PCDHGA8: variants seen among roughly 807,000 people sequenced by gnomAD.
PCDHGA8 encodes the protein protocadherin gamma subfamily A, 8, also known as protocadherin gamma-A8.
Under a neutral mutation model 59.2 loss-of-function variants are expected in PCDHGA8, and 45 were observed. The observed-to-expected ratio is 0.76, with a 90% CI of 0.60 to 0.98. The LOEUF (loss-of-function observed/expected upper bound fraction) is 0.98. Among genes scored for constraint, PCDHGA8 ranks in the 50% least tolerant of loss-of-function variants. PCDHGA8 has a pLI of 0.00. For missense variants in PCDHGA8, 1,257 were observed against 1,196.2 expected (o/e 1.05, Z -0.75); for synonymous variants, 531 against 519.0 (o/e 1.02, Z -0.32).
intron 1 of PCDHGA8, chr5:141,408,336 C>T: frequency 6.2e-7 from 1 of 1,613,910 alleles, no homozygotes; most frequent in Non-Finnish European, 8.5e-7. Flanking sequence ...GCCAAGGGCT[C>T]GGTGGTGGGG....
At position 141,494,781 on chromosome 5, in the gene PCDHGA8, C is replaced by A. The variant is rs145360252; in HGVS notation, c.2425-26C>A. On this transcript the variant is annotated intron_variant, in intron 1 of 3. Coordinates refer to ENST00000398604, the MANE Select transcript of PCDHGA8 (RefSeq NM_032088.2). ...ATTCTAACTTCTCACGGGTACTCAG[C>A]CCCTTTCCCTCTGTTTTCTCCACAG... 6,156 of 1,614,074 alleles carry A rather than the reference C, an allele frequency of 3.8e-3. 13 individuals are homozygous for A. Among genetic ancestry groups the A allele is most frequent in the Middle Eastern group, 8.1e-3 (49 of 6,062 alleles).
chr5:141,422,746 T>G (rs763386007), intron 1 of PCDHGA8: 1 of 1,611,014 alleles, frequency 6.2e-7, no homozygotes, highest in Non-Finnish European at 8.5e-7. Context: ...CTCCTATGTC[T>G]CTATTAACTC....
chr5:141,509,864 A>G (rs2099878667), intron 3 of PCDHGA8, among the ~76,000 whole-genome samples: 1 of 152,262 alleles, frequency 6.6e-6, no homozygotes, highest in East Asian at 1.9e-4. Context: ...GATAAGGTCC[A>G]AGCTGCTGGT....
At position 141,431,140 on chromosome 5, in the gene PCDHGA8, C is replaced by T. The variant is rs145692116; in HGVS notation, c.2424+35903C>T. 2.4e-5 allele frequency: 38 copies of T among 1,614,208 alleles called. No individual in the cohort carries two copies. Among genetic ancestry groups the T allele is most frequent in the Admixed American group, 3.3e-5 (2 of 60,038 alleles). On this transcript the variant is annotated intron_variant, in intron 1 of 3. Coordinates refer to ENST00000398604, the MANE Select transcript of PCDHGA8 (RefSeq NM_032088.2). This position sits in a 1 kb window ranked among gnomAD's most constrained non-coding sequence, Gnocchi z 4.8. ...TAGAAGTAGAAGTAAGGGACATTAA[C>T]GACAATGCGCCTTACTTTCGTGAAA...
rs763160633 is a variant in PCDHGA8 at position 141,418,261 on chromosome 5, G to A, written c.2424+23024G>A. 3 of 1,614,056 alleles carry A rather than the reference G, an allele frequency of 1.9e-6. No homozygotes were observed. In the South Asian group the frequency reaches 3.3e-5, roughly 18 times the overall value. Reference sequence around the variant, plus strand: ...TTAATGACCACGCCCCTCAATTCCGGAAAGATGAAATAAACTTAGAAATCA... The same window carrying A: ...TTAATGACCACGCCCCTCAATTCCGAAAAGATGAAATAAACTTAGAAATCA... On this transcript the variant is annotated intron_variant, in intron 1 of 3. Coordinates refer to ENST00000398604, the MANE Select transcript of PCDHGA8 (RefSeq NM_032088.2).
rs778372966 is a variant in PCDHGA8, at chr5:141,477,105, A to G, written c.2425-17702A>G. The G allele has an allele frequency of 7.4e-6, 12 of 1,614,106 alleles. No individual in the cohort carries two copies. The highest frequency in any genetic ancestry group is 4.0e-5 in the African/African-American group (3 of 74,934). On this transcript the variant is annotated intron_variant, in intron 1 of 3. Transcript: ENST00000398604. This position sits in a 1 kb window ranked among gnomAD's most constrained non-coding sequence, Gnocchi z 4.9. ...ATCCAGGCCAAAGACAAGGGCGCCA[A>G]TCCCGAAGGAGCACATTGCAAAGTG...
At position 141,485,464 on chromosome 5, in the gene PCDHGA8, G is replaced by A. The variant is rs2099614016; in HGVS notation, c.2425-9343G>A. ...CAATCGACCGAGAGGCACTGTGTGG[G>A]CTCAGTGCCAGCTGCATCGTGCCCC... is the stretch of plus-strand genomic sequence containing the variant. On this transcript the variant is annotated intron_variant, in intron 1 of 3. Coordinates refer to ENST00000398604, the MANE Select transcript of PCDHGA8 (RefSeq NM_032088.2). The surrounding 1 kb of genome is among the most constrained non-coding windows in gnomAD (Gnocchi z 5.7). 6.2e-7 allele frequency: 1 copy of A among 1,614,106 alleles called. No homozygotes were observed. The highest frequency in any genetic ancestry group is 8.5e-7 in the Non-Finnish European group (1 of 1,179,958).
At chr5:141,398,811 C>G in intron 1 of PCDHGA8, 1 of 1,613,980 alleles carries the variant, frequency 6.2e-7, no homozygotes. Context: ...CCACTGAGCT[C>G]CGGATCCAGG....
Position 141,491,410 on chromosome 5 carries a change from GA to G in PCDHGA8, c.2425-3396del. 1 of 1,614,142 alleles carries G rather than the reference GA, an allele frequency of 6.2e-7. No homozygotes were observed. The highest frequency in any genetic ancestry group is 8.5e-7 in the Non-Finnish European group (1 of 1,180,034). On this transcript the variant is annotated intron_variant, in intron 1 of 3. Coordinates refer to ENST00000398604, the MANE Select transcript of PCDHGA8 (RefSeq NM_032088.2). This position sits in a 1 kb window ranked among gnomAD's most constrained non-coding sequence, Gnocchi z 6.9. ...GTGCCTTCAGGGAAACGCAGACGGG[GA>G]CGGGGGTGGAGGGCAGTGCTGCAGG...
intron 1 of PCDHGA8, among the ~76,000 whole-genome samples, chr5:141,458,821 C>T (rs1220034390): frequency 6.6e-6 from 1 of 152,146 alleles, no homozygotes; most frequent in Non-Finnish European, 1.5e-5. Flanking sequence ...CAACCTCTGC[C>T]TCCCAGGCTC....
rs1421497518 is a variant in PCDHGA8 at position 141,431,979 on chromosome 5, A to G, written c.2424+36742A>G. ...GGAAATTACTATAGTTTAGTCACAGACATAGTCTTGGATAGGGAACAGGTT... is the reference window on the plus strand; with the variant it reads ...GGAAATTACTATAGTTTAGTCACAGGCATAGTCTTGGATAGGGAACAGGTT... On this transcript the variant is annotated intron_variant, in intron 1 of 3. Coordinates refer to ENST00000398604, the MANE Select transcript of PCDHGA8 (RefSeq NM_032088.2). This position sits in a 1 kb window ranked among gnomAD's most constrained non-coding sequence, Gnocchi z 4.8. 6.2e-7 allele frequency: 1 copy of G among 1,614,078 alleles called. No homozygotes were observed. The highest frequency in any genetic ancestry group is 1.3e-5 in the African/African-American group (1 of 74,932).
In PCDHGA8 at chr5:141,432,927, G is replaced by T. The variant is rs774982939; in HGVS notation, c.2424+37690G>T. ...AGGCTGCGGCGCTGGCACAAGTCAC[G>T]CCTGCTGCAGGCTTCAGGAGGCGGC... is the stretch of plus-strand genomic sequence containing the variant. On this transcript the variant is annotated intron_variant, in intron 1 of 3. Coordinates refer to ENST00000398604, the MANE Select transcript of PCDHGA8 (RefSeq NM_032088.2). This position sits in a 1 kb window ranked among gnomAD's most constrained non-coding sequence, Gnocchi z 6.0. 1.9e-6 allele frequency: 3 copies of T among 1,614,162 alleles called. No homozygotes were observed. In the Admixed American group the frequency reaches 5.0e-5, roughly 27 times the overall value.
intron 1 of PCDHGA8, among the ~76,000 whole-genome samples, chr5:141,451,542 G>A (rs1023356681): frequency 3.3e-5 from 5 of 152,148 alleles, no homozygotes; most frequent in Non-Finnish European, 7.3e-5. Context: ...GCCAGAGAGG[G>A]CAAATGTGAT....
intron 1 of PCDHGA8, chr5:141,414,898 G>T: frequency 6.2e-7 from 1 of 1,614,190 alleles, no homozygotes; most frequent in East Asian, 2.2e-5. Context: ...CCCCACAGAC[G>T]GTTCCACAGG....
At chr5:141,488,762 C>T (rs1470160100) in intron 1 of PCDHGA8, among the ~76,000 whole-genome samples, 1 of 152,142 alleles carries the variant, frequency 6.6e-6, no homozygotes, top group Non-Finnish European at 1.5e-5. Context: ...TGGGACAGAA[C>T]GCTGAGGAGT....
chr5:141,435,795 G>A (rs150143106), intron 1 of PCDHGA8, among the ~76,000 whole-genome samples: 16 of 152,032 alleles, frequency 1.1e-4, no homozygotes, highest in Admixed American at 2.0e-4. Flanking sequence ...GAAACATAAC[G>A]TCCCAATTAT....
chr5:141,431,126 G>A lies in PCDHGA8; in HGVS notation c.2424+35889G>A, dbSNP rs2097344901. The A allele has an allele frequency of 2.5e-6, 4 of 1,614,114 alleles. No individual in the cohort carries two copies. Among genetic ancestry groups the A allele is most frequent in the Non-Finnish European group, 3.4e-6 (4 of 1,180,038 alleles). On this transcript the variant is annotated intron_variant, in intron 1 of 3. Coordinates refer to ENST00000398604, the MANE Select transcript of PCDHGA8 (RefSeq NM_032088.2). The surrounding 1 kb of genome is among the most constrained non-coding windows in gnomAD (Gnocchi z 4.8). ...GAAAATATATGGAGTAGAAGTAGAA[G>A]TAAGGGACATTAACGACAATGCGCC... is the stretch of plus-strand genomic sequence containing the variant.
intron 1 of PCDHGA8, among the ~76,000 whole-genome samples, chr5:141,439,537 C>T (rs1404605731): frequency 6.6e-6 from 1 of 152,206 alleles, no homozygotes; most frequent in African/African-American, 2.4e-5. Flanking sequence ...GAACGCTGTC[C>T]TCTCATTTCT....
chr5:141,504,824 C>T (rs537283013), intron 2 of PCDHGA8, among the ~76,000 whole-genome samples: 4 of 152,230 alleles, frequency 2.6e-5, no homozygotes, highest in South Asian at 4.1e-4. Context: ...TAGGTCCCCA[C>T]TTTTTCTCTA....
Sources: allele counts gnomAD v4.1 joint callset (sites outside exome capture counted in the v4.1 genomes callset), GRCh38; gene constraint gnomAD v4.1.1; non-coding constraint Gnocchi (gnomAD v3.1); transcripts MANE v1.5; gene names NCBI Gene and HGNC (gene_info 2026-07-23, HGNC 2026-07-21).